The following FAM171A1 variants were observed in gnomAD, a reference collection of about 807,000 sequenced individuals.
FAM171A1 encodes protein FAM171A1.
Under a neutral mutation model 74.9 loss-of-function variants are expected in FAM171A1, and 23 were observed. That is an observed-to-expected ratio of 0.31 (90% CI 0.22 to 0.44). The LOEUF is 0.44. FAM171A1 is among the 20% of genes least tolerant of loss of function. The pLI is 1.00. For synonymous variants in FAM171A1, 527 were observed against 505.7 expected (o/e 1.04, Z -0.57); for missense variants, 1,162 against 1,159.2 (o/e 1.00, Z -0.03).
chr10:15,301,905 T>G (rs1835234060), intron 1 of FAM171A1, among the ~76,000 whole-genome samples: 1 of 152,214 alleles, frequency 6.6e-6, no homozygotes, highest in Non-Finnish European at 1.5e-5. Flanking sequence ...AGGAACTATA[T>G]GCATTATGAA....
intron 5 of FAM171A1, among the ~76,000 whole-genome samples, chr10:15,237,107 G>T (rs1488065017): frequency 2.0e-5 from 3 of 152,172 alleles, no homozygotes; most frequent in Admixed American, 1.3e-4. Context: ...GGGTGATGGG[G>T]AAAGCCCGCA....
intron 5 of FAM171A1, among the ~76,000 whole-genome samples, chr10:15,223,703 A>G (rs1834069105): frequency 6.6e-6 from 1 of 152,170 alleles, no homozygotes; most frequent in Non-Finnish European, 1.5e-5. Context: ...GTTTGAGACC[A>G]GTCTGAGCAA....
intron 3 of FAM171A1, among the ~76,000 whole-genome samples, chr10:15,260,879 A>AG (rs1225049496): frequency 3.3e-5 from 5 of 152,036 alleles, no homozygotes; most frequent in African/African-American, 1.2e-4. Context: ...GTCTCTGGGG[A>AG]GGGGGGGCAA....
At chr10:15,281,251 A>G (rs745843304) in intron 2 of FAM171A1, among the ~76,000 whole-genome samples, 1 of 152,140 alleles carries the variant, frequency 6.6e-6, no homozygotes, top group Non-Finnish European at 1.5e-5. Context: ...CTCCTCCAGA[A>G]CTGTGGGCCA....
At chr10:15,271,063 C>T (rs550913778) in intron 3 of FAM171A1, among the ~76,000 whole-genome samples, 3 of 152,228 alleles carry the variant, frequency 2.0e-5, no homozygotes, top group Admixed American at 6.5e-5. Flanking sequence ...ATGCTTCAGA[C>T]GATCGGTAAT....
intron 1 of FAM171A1, among the ~76,000 whole-genome samples, chr10:15,292,215 ACCT>A (rs1040810155): frequency 2.0e-5 from 3 of 151,882 alleles, no homozygotes; most frequent in Non-Finnish European, 4.4e-5. Flanking sequence ...AAAAGACCCC[ACCT>A]CCTAATACCT....
At chr10:15,223,310 C>T (rs1056052007) in intron 5 of FAM171A1, among the ~76,000 whole-genome samples, 2 of 152,248 alleles carry the variant, frequency 1.3e-5, no homozygotes, top group East Asian at 1.9e-4. Context: ...ACTTACACGT[C>T]GTATCCCCTC....
chr10:15,234,301 A>C (rs1044317966), intron 5 of FAM171A1, among the ~76,000 whole-genome samples: 2 of 152,240 alleles, frequency 1.3e-5, no homozygotes, highest in Non-Finnish European at 2.9e-5. Context: ...TTTCAAAATA[A>C]ATTTCGAATT....
intron 1 of FAM171A1, among the ~76,000 whole-genome samples, chr10:15,324,702 T>C (rs1252005066): frequency 6.6e-6 from 1 of 151,248 alleles, no homozygotes; most frequent in African/African-American, 2.4e-5. Flanking sequence ...ACCACCAGCG[T>C]GGATTAAACA....
At chr10:15,281,829 C>T (rs1254453732) in intron 2 of FAM171A1, among the ~76,000 whole-genome samples, 2 of 152,124 alleles carry the variant, frequency 1.3e-5, no homozygotes, top group African/African-American at 4.8e-5. Context: ...CCACTGCATT[C>T]TAGCCTTGGC....
At chr10:15,228,562 G>A (rs1189030869) in intron 5 of FAM171A1, among the ~76,000 whole-genome samples, 2 of 151,876 alleles carry the variant, frequency 1.3e-5, no homozygotes, top group African/African-American at 4.8e-5. Flanking sequence ...CAGGCTGGTC[G>A]CAAACTCCTG....
At chr10:15,328,055 C>A (rs1177968172) in intron 1 of FAM171A1, among the ~76,000 whole-genome samples, 1 of 150,838 alleles carries the variant, frequency 6.6e-6, no homozygotes, top group Admixed American at 6.7e-5. Flanking sequence ...TTGCTTAAAT[C>A]CACCAGGTAC....
At chr10:15,299,062 A>G (rs375379255) in intron 1 of FAM171A1, among the ~76,000 whole-genome samples, 5 of 152,242 alleles carry the variant, frequency 3.3e-5, no homozygotes, top group African/African-American at 1.2e-4. Context: ...CTGGGATTAC[A>G]GGCACGCACC....
At chr10:15,237,840 G>A (rs959488697) in intron 5 of FAM171A1, among the ~76,000 whole-genome samples, 3 of 151,686 alleles carry the variant, frequency 2.0e-5, no homozygotes, top group African/African-American at 7.3e-5. Context: ...TTTGACATCT[G>A]GGAAAGTACA....
intron 5 of FAM171A1, among the ~76,000 whole-genome samples, chr10:15,239,855 T>C (rs930641159): frequency 6.6e-6 from 1 of 152,224 alleles, no homozygotes; most frequent in African/African-American, 2.4e-5. Flanking sequence ...AGAAGTGTTT[T>C]GGATTTTGGA....
chr10:15,362,332 T>C (rs573419197), intron 1 of FAM171A1, among the ~76,000 whole-genome samples: 6 of 152,362 alleles, frequency 3.9e-5, no homozygotes. Flanking sequence ...TTAGGAATCC[T>C]GAGTGATGGA....
At chr10:15,280,780 A>G (rs1255140530) in intron 2 of FAM171A1, among the ~76,000 whole-genome samples, 1 of 152,268 alleles carries the variant, frequency 6.6e-6, no homozygotes, top group East Asian at 1.9e-4. Flanking sequence ...TTCCTTGCCC[A>G]GTTATCTGCA....
At chr10:15,306,338 A>G (rs944108768) in intron 1 of FAM171A1, among the ~76,000 whole-genome samples, 4 of 152,108 alleles carry the variant, frequency 2.6e-5, no homozygotes, top group Non-Finnish European at 4.4e-5. Context: ...ATATCAATGT[A>G]ATTTATTTAA....
intron 1 of FAM171A1, among the ~76,000 whole-genome samples, chr10:15,298,257 C>T (rs1490210964): frequency 6.6e-6 from 1 of 152,166 alleles, no homozygotes; most frequent in African/African-American, 2.4e-5. Flanking sequence ...GTCTCAGCCT[C>T]CCCAGTAGCT....
Sources: gnomAD v4.1 joint callset for allele counts (sites outside exome capture counted in the v4.1 genomes callset) on GRCh38, gnomAD v4.1.1 for gene constraint, MANE v1.5 for transcripts, NCBI Gene and HGNC (gene_info 2026-07-23, HGNC 2026-07-21) for gene names.